Variants in MIA2 observed in about 807,000 individuals in gnomAD.
MIA2 encodes MIA SH3 domain ER export factor 2.
Under a neutral mutation model 167.8 loss-of-function variants are expected in MIA2, and 127 were observed. The ratio of observed to expected loss-of-function variants is 0.76; its 90% CI spans 0.66 to 0.88. MIA2 has a LOEUF of 0.88. Ranked by LOEUF, MIA2 falls within the 40% of genes least tolerant of loss-of-function variation. The probability of loss-of-function intolerance (pLI) is 0.00; values close to 1 mark genes in which losing one functional copy is unlikely to be tolerated. For synonymous variants in MIA2, 552 were observed against 541.9 expected, an observed-to-expected ratio of 1.02 and a Z score of -0.26; for missense variants, 1,690 against 1,624.7, an observed-to-expected ratio of 1.04 and a Z score of -0.69.
intron 14 of MIA2, among the ~76,000 whole-genome samples, chr14:39,301,039 TACACAC>T (rs58641218): frequency 0.022 from 3,204 of 145,194 alleles, 122 homozygotes; most frequent in African/African-American, 0.071. Flanking sequence ...TACATATACA[TACACAC>T]ACACACACAC....
chr14:39,347,654 A>G, intron 26 of MIA2, 59 bp from the exon 27 acceptor site: 1 of 1,558,308 alleles, frequency 6.4e-7, no homozygotes, highest in Admixed American at 1.7e-5. Flanking sequence ...TGATCTGGAG[A>G]TACTCTAGGA....
intron 6 of MIA2, chr14:39,265,380 T>C: frequency 6.2e-7 from 1 of 1,606,298 alleles, no homozygotes; most frequent in Non-Finnish European, 8.5e-7. Flanking sequence ...AATTTTAACA[T>C]GAGCTTTTCA....
At chr14:39,379,306 T>C (rs2075106685) in intron 23 of MIA2, among the ~76,000 whole-genome samples, 1 of 152,194 alleles carries the variant, frequency 6.6e-6, no homozygotes, top group Non-Finnish European at 1.5e-5. Context: ...CCTTACCATC[T>C]TATGCACCCA....
At chr14:39,258,116 T>C (rs2054905505) in intron 6 of MIA2, among the ~76,000 whole-genome samples, 2 of 152,228 alleles carry the variant, frequency 1.3e-5, no homozygotes, top group Non-Finnish European at 2.9e-5. Context: ...ATTTCTTGAA[T>C]TTAAATGTTG....
intron 25 of MIA2, 56 bp from the exon 26 acceptor site, chr14:39,345,848 A>C: frequency 6.7e-7 from 1 of 1,488,858 alleles, no homozygotes; most frequent in Non-Finnish European, 9.2e-7. Flanking sequence ...GTTAAACTTA[A>C]GTAAACTTGA....
rs184731055 is a variant in MIA2, at chr14:39,341,456, C to T, written c.3656-4448C>T. ...AAAAGTGAAACCCTGGAATATTAAG[C>T]ACAAAAGATGCTATCCAGAGTGTAA... On this transcript the variant is annotated intron_variant, in intron 25 of 28. Transcript: ENST00000640607. 2.6e-5 allele frequency among the ~76,000 whole-genome samples: 4 copies of T among 152,132 alleles called. No homozygotes were observed. The East Asian group carries it at 5.8e-4, about 22-fold the overall frequency.
In MIA2 at chr14:39,253,274, A is replaced by G. The variant is rs375177670; in HGVS notation, c.1887+103A>G. On this transcript the variant is annotated intron_variant, in intron 6 of 28. Transcript: ENST00000640607. ...AATGAATCCTCCCTGTTTAATGTTT[A>G]TATAATGTTTCTCTTTCCATGACAT... is the stretch of plus-strand genomic sequence containing the variant. 35 of 1,430,474 alleles carry G rather than the reference A, an allele frequency of 2.4e-5. No individual in the cohort carries two copies. In the South Asian group the frequency reaches 4.3e-4, roughly 18 times the overall value. 88.6% of individuals were successfully genotyped at this position (1,430,474 alleles called of 1,614,324 possible).
chr14:39,314,516 A>G (rs1347545021), intron 19 of MIA2, among the ~76,000 whole-genome samples: 4 of 151,564 alleles, frequency 2.6e-5, no homozygotes, highest in African/African-American at 9.7e-5. Flanking sequence ...CTCAAGTAGT[A>G]GTATTAAGTT....
intron 9 of MIA2, among the ~76,000 whole-genome samples, chr14:39,287,365 G>A (rs368352786): frequency 2.0e-5 from 3 of 150,986 alleles, no homozygotes; most frequent in East Asian, 2.0e-4. Context: ...GTGAGCCACC[G>A]CACCCAGCCC....
intron 23 of MIA2, among the ~76,000 whole-genome samples, chr14:39,379,616 C>T (rs1160426728): frequency 6.6e-6 from 1 of 151,996 alleles, no homozygotes; most frequent in African/African-American, 2.4e-5. Context: ...CTTTGGGAGG[C>T]TGAGGCGGGT....
rs144504687 is a variant in MIA2 at position 39,384,415 on chromosome 14, A to G, written c.2249-2470A>G. 4.2e-3 allele frequency among the ~76,000 whole-genome samples: 645 copies of G among 152,336 alleles called. 5 individuals are homozygous for G. The highest frequency in any genetic ancestry group is 0.014 in the Middle Eastern group (4 of 294). ...TTAAGGAGCTCTGATGGAGATGTGCAAGGAAATTCATGTTTTCATGCCTGT... is the reference window on the plus strand; with the variant it reads ...TTAAGGAGCTCTGATGGAGATGTGCGAGGAAATTCATGTTTTCATGCCTGT... On this transcript the variant is annotated intron_variant, in intron 23 of 23. Coordinates refer to the MIA2 transcript ENST00000341502.
At chr14:39,317,748 A>G (rs1456245878) in intron 21 of MIA2, among the ~76,000 whole-genome samples, 196 bp from the exon 22 acceptor site, 1 of 152,190 alleles carries the variant, frequency 6.6e-6, no homozygotes, top group Non-Finnish European at 1.5e-5. Flanking sequence ...TAGAGGGTAA[A>G]GAGTGGGTAT....
chr14:39,277,874 G>A (rs983526854), intron 7 of MIA2, among the ~76,000 whole-genome samples: 1 of 149,938 alleles, frequency 6.7e-6, no homozygotes, highest in African/African-American at 2.5e-5. Flanking sequence ...ACAGCCTACA[G>A]CCTCAAACTC....
chr14:39,302,557 T>C (rs943363280), intron 15 of MIA2, among the ~76,000 whole-genome samples: 1 of 152,198 alleles, frequency 6.6e-6, no homozygotes, highest in Non-Finnish European at 1.5e-5. Context: ...TGCCTGTTTT[T>C]CCCTGTACTG....
intron 17 of MIA2, among the ~76,000 whole-genome samples, chr14:39,304,593 TTAAAA>T (rs1375830680): frequency 3.9e-5 from 6 of 152,180 alleles, no homozygotes; most frequent in South Asian, 4.1e-4. Context: ...TTATGTGAAG[TTAAAA>T]TAAGGAAATT....
At chr14:39,259,063 A>C (rs1301600410) in intron 6 of MIA2, among the ~76,000 whole-genome samples, 1 of 152,194 alleles carries the variant, frequency 6.6e-6, no homozygotes, top group Non-Finnish European at 1.5e-5. Context: ...GGGGTCAGGA[A>C]CTTACTTGAG....
intron 19 of MIA2, 42 bp from the exon 20 acceptor site, chr14:39,314,697 A>G: frequency 6.9e-7 from 1 of 1,456,408 alleles, no homozygotes; most frequent in African/African-American, 1.5e-5. Flanking sequence ...CTGTCATTTC[A>G]TGTTATATGT....
intron 25 of MIA2, among the ~76,000 whole-genome samples, chr14:39,335,942 T>C (rs2070290563): frequency 6.6e-6 from 1 of 152,238 alleles, no homozygotes; most frequent in Non-Finnish European, 1.5e-5. Context: ...AATTTTATTC[T>C]TTCTTATGGC....
chr14:39,276,791 A>G, intron 6 of MIA2, 143 bp from the exon 7 acceptor site: 2 of 812,472 alleles, frequency 2.5e-6, no homozygotes, highest in Non-Finnish European at 3.8e-6. Context: ...GAAAGTTGAC[A>G]AAAAAATGTA....
Sources: gnomAD v4.1 joint callset for allele counts (sites outside exome capture counted in the v4.1 genomes callset) on GRCh38, gnomAD v4.1.1 for gene constraint, MANE v1.5 for transcripts, NCBI Gene and HGNC (gene_info 2026-07-23, HGNC 2026-07-21) for gene names.